The following KCNH5 variants were observed in gnomAD, a reference collection of about 807,000 sequenced individuals.
The protein encoded by KCNH5 is voltage-gated delayed rectifier potassium channel KCNH5.
KCNH5 carries 46 observed loss-of-function variants against 96.1 expected under a neutral mutation model. The observed-to-expected ratio is 0.48, with a 90% confidence interval of 0.38 to 0.61. The LOEUF (loss-of-function observed/expected upper bound fraction) is 0.61. Among genes scored for constraint, KCNH5 ranks in the 20% least tolerant of loss-of-function variants. The probability of loss-of-function intolerance (pLI) is 0.00; values close to 1 mark genes in which losing one functional copy is unlikely to be tolerated. For synonymous variants in KCNH5, 439 were observed against 449.8 expected (o/e 0.98, Z 0.30); for missense variants, 907 against 1,225.8 (o/e 0.74, Z 3.88).
In KCNH5 at chr14:62,823,601, T is replaced by C. The variant is rs931141995; in HGVS notation, c.1570-21020A>G. On this transcript the variant is annotated intron_variant, in intron 8 of 10. Coordinates refer to ENST00000322893, the MANE Select transcript of KCNH5 (RefSeq NM_139318.5). ...ATTTAACCCCTCCTGTCTTCACTTTTTGAAAGGCCAGCAGAAATTCCTATT... is the reference window on the plus strand; with the variant it reads ...ATTTAACCCCTCCTGTCTTCACTTTCTGAAAGGCCAGCAGAAATTCCTATT... 1.1e-4 allele frequency among the ~76,000 whole-genome samples: 17 copies of C among 152,116 alleles called. 1 individual carries two copies. The highest frequency in any genetic ancestry group is 8.5e-4 in the Admixed American group (13 of 15,236).
chr14:63,033,403 C>A (rs747389369), intron 1 of KCNH5, among the ~76,000 whole-genome samples: 15 of 152,282 alleles, frequency 9.9e-5, no homozygotes, highest in Non-Finnish European at 2.2e-4. Flanking sequence ...CTGAAATATT[C>A]TTCTTCCCAC....
Position 62,705,490 on chromosome 14 carries a change from T to G in KCNH5, c.*2018A>C, listed in dbSNP as rs1884411902. The G allele has an allele frequency of 6.6e-6, 1 of 152,054 alleles. No homozygotes were observed. Among genetic ancestry groups the G allele is most frequent in the African/African-American group, 2.4e-5 (1 of 41,452 alleles). 9.4% of individuals were successfully genotyped at this position (152,054 alleles called of 1,614,324 possible). A position where few individuals can be genotyped will look rare whatever the true frequency, so the allele number is the denominator to read the frequency against. ...TCCAATTTCAAGGCTGATTCTTTAC[T>G]CCATAATTATTTCATTTTCTTGTGT... On this transcript the variant is annotated 3_prime_UTR_variant, in exon 11 of 11. Coordinates refer to ENST00000322893, the MANE Select transcript of KCNH5 (RefSeq NM_139318.5).
chr14:62,971,753 A>G (rs1160591368), intron 6 of KCNH5, among the ~76,000 whole-genome samples: 1 of 152,148 alleles, frequency 6.6e-6, no homozygotes, highest in Non-Finnish European at 1.5e-5. Context: ...ATGCAATGGA[A>G]CAAACATAGT....
rs192824584 is a variant in KCNH5 at position 62,753,131 on chromosome 14, C to A, written c.2019+26597G>T. ...ACATAGAAAGAATTCAGAATTCTAT[C>A]AGATAAATTTAACAGAGAAATTTAA... is the stretch of plus-strand genomic sequence containing the variant. On this transcript the variant is annotated intron_variant, in intron 10 of 10. Transcript: ENST00000322893. Among the ~76,000 whole-genome samples, 740 of 152,146 alleles carry A rather than the reference C, an allele frequency of 4.9e-3. 3 individuals are homozygous for A. Among genetic ancestry groups the A allele is most frequent in the Non-Finnish European group, 7.9e-3 (537 of 67,992 alleles).
chr14:62,922,934 T>C (rs1165835549), intron 7 of KCNH5, among the ~76,000 whole-genome samples: 1 of 151,834 alleles, frequency 6.6e-6, no homozygotes, highest in Non-Finnish European at 1.5e-5. Context: ...ACCTGAAGTC[T>C]TAGAGCAATT....
intron 6 of KCNH5, among the ~76,000 whole-genome samples, chr14:62,979,254 A>G (rs1890560575): frequency 6.6e-6 from 1 of 152,184 alleles, no homozygotes; most frequent in African/African-American, 2.4e-5. Context: ...TGTATTTTCA[A>G]AATTAACTCC....
intron 10 of KCNH5, among the ~76,000 whole-genome samples, chr14:62,737,270 C>T (rs1294598980): frequency 1.3e-5 from 2 of 152,142 alleles, no homozygotes; most frequent in African/African-American, 4.8e-5. Context: ...CTGATGCACC[C>T]TAAATACCTA....
At chr14:62,781,258 CA>C (rs1886206108) in intron 9 of KCNH5, among the ~76,000 whole-genome samples, 2 of 152,110 alleles carry the variant, frequency 1.3e-5, no homozygotes, top group African/African-American at 4.8e-5. Context: ...GTGTGGGTCA[CA>C]GACATCAAGT....
intron 9 of KCNH5, among the ~76,000 whole-genome samples, chr14:62,795,539 A>C (rs1886523120): frequency 6.6e-6 from 1 of 152,170 alleles, no homozygotes; most frequent in Admixed American, 6.6e-5. Context: ...CATAGGTTGT[A>C]TGCAAATACT....
intron 5 of KCNH5, among the ~76,000 whole-genome samples, chr14:62,981,932 T>C (rs1462395757): frequency 2.0e-5 from 3 of 152,212 alleles, no homozygotes; most frequent in African/African-American, 4.8e-5. Context: ...TGTAAGTTTA[T>C]ATGAACCTTG....
At chr14:62,918,274 A>G (rs1184522314) in intron 7 of KCNH5, among the ~76,000 whole-genome samples, 1 of 152,196 alleles carries the variant, frequency 6.6e-6, no homozygotes, top group African/African-American at 2.4e-5. Flanking sequence ...CATTAAAAAG[A>G]AGCCATTTCT....
At chr14:63,016,030 T>G (rs1229456348) in intron 2 of KCNH5, among the ~76,000 whole-genome samples, 1 of 151,538 alleles carries the variant, frequency 6.6e-6, no homozygotes, top group African/African-American at 2.4e-5. Flanking sequence ...TACCTCAGTT[T>G]TCTCATCTGA....
chr14:62,778,928 C>T (rs887218271), intron 10 of KCNH5, among the ~76,000 whole-genome samples: 1 of 152,182 alleles, frequency 6.6e-6, no homozygotes, highest in Non-Finnish European at 1.5e-5. Flanking sequence ...TCAATTTCTT[C>T]CCTCCCTGTT....
intron 10 of KCNH5, among the ~76,000 whole-genome samples, chr14:62,736,708 C>G (rs912630609): frequency 1.3e-5 from 2 of 152,126 alleles, no homozygotes; most frequent in African/African-American, 2.4e-5. Flanking sequence ...ACCCTAAAAC[C>G]AATATATACT....
At chr14:62,983,597 TAA>T (rs1890651548) in intron 5 of KCNH5, among the ~76,000 whole-genome samples, 1 of 152,172 alleles carries the variant, frequency 6.6e-6, no homozygotes, top group African/African-American at 2.4e-5. Context: ...CTGACAGATG[TAA>T]GCCCTGCTCA....
chr14:62,929,721 G>A (rs570680856), intron 7 of KCNH5, among the ~76,000 whole-genome samples: 21 of 151,984 alleles, frequency 1.4e-4, no homozygotes, highest in African/African-American at 4.3e-4. Context: ...GGGAAGATAC[G>A]TGTAGATTTG....
At chr14:62,749,878 A>G (rs74058991) in intron 10 of KCNH5, among the ~76,000 whole-genome samples, 1 of 152,186 alleles carries the variant, frequency 6.6e-6, no homozygotes, top group African/African-American at 2.4e-5. Flanking sequence ...AAGGCTGAAG[A>G]TATGTTTTGG....
intron 7 of KCNH5, among the ~76,000 whole-genome samples, chr14:62,943,763 G>A (rs1243788296): frequency 6.6e-6 from 1 of 152,174 alleles, no homozygotes; most frequent in Non-Finnish European, 1.5e-5. Flanking sequence ...GCTGCCACCA[G>A]AGCAGTGGAG....
In KCNH5 at chr14:62,901,606, A is replaced by C. The variant is rs558192326; in HGVS notation, c.1369+48527T>G. Among the ~76,000 whole-genome samples the C allele has an allele frequency of 2.0e-5, 3 of 152,218 alleles. No individual in the cohort carries two copies. In the East Asian group the frequency reaches 5.8e-4, roughly 29 times the overall value. On this transcript the variant is annotated intron_variant, in intron 7 of 10. Transcript: ENST00000322893. ...GTATTCCATGGTAGATATGTACCAC[A>C]TTTTCTTTATCCAGTCTACCACTGA...
Sources: gnomAD v4.1 joint callset for allele counts (sites outside exome capture counted in the v4.1 genomes callset) on GRCh38, gnomAD v4.1.1 for gene constraint, MANE v1.5 for transcripts, NCBI Gene and HGNC (gene_info 2026-07-23, HGNC 2026-07-21) for gene names.